The following DESI2 variants were observed in gnomAD, a reference collection of about 807,000 sequenced individuals.
The protein encoded by DESI2 is deubiquitinase DESI2.
A neutral mutation model predicts 24.1 loss-of-function variants in DESI2; 10 were observed. The ratio of observed to expected loss-of-function variants is 0.41; its 90% CI spans 0.26 to 0.70. The LOEUF (loss-of-function observed/expected upper bound fraction) is 0.70. Among genes scored for constraint, DESI2 ranks in the 30% least tolerant of loss-of-function variants. The pLI is 0.29. For missense variants in DESI2, 122 were observed against 234.9 expected, an observed-to-expected ratio of 0.52 and a Z score of 3.14; for synonymous variants, 71 against 87.7, an observed-to-expected ratio of 0.81 and a Z score of 1.06.
intron 1 of DESI2, chr1:244,654,085 A>C: frequency 2.1e-6 from 1 of 465,466 alleles, no homozygotes; most frequent in South Asian, 1.6e-5. Context: ...TTATTGTATC[A>C]TCTAACTTTG....
rs764061463 is a variant in DESI2 at position 244,705,660 on chromosome 1, C to T, written c.456C>T (p.Pro152=). 5.6e-6 allele frequency: 9 copies of T among 1,614,048 alleles called. No individual in the cohort carries two copies. The highest frequency in any genetic ancestry group is 3.3e-5 in the South Asian group (3 of 91,088). ...GCCTCCCGAAGGAGTGGCTCACGCC[C>T]GCAGCCCTGCAGTCTAGTGTCAGCC... ...QSCLPKEWLT[P]AALQSSVSQE... is the part of the protein sequence containing the mutation. Residue 152 remains proline, a synonymous_variant, in exon 5 of 5, where the codon CCC becomes CCT. Transcript: ENST00000302550.
intron 1 of DESI2, among the ~76,000 whole-genome samples, chr1:244,684,402 A>G (rs1194816433): frequency 6.6e-6 from 1 of 152,236 alleles, no homozygotes; most frequent in Non-Finnish European, 1.5e-5. Context: ...ACAGTTGAAC[A>G]CAGGTGCTTC....
chr1:244,694,418 T>G, intron 4 of DESI2: 1 of 715,468 alleles, frequency 1.4e-6, no homozygotes, highest in Non-Finnish European at 2.6e-6. Flanking sequence ...GCATTACTCA[T>G]CGTTGAAATT....
At position 244,653,224 on chromosome 1, in the gene DESI2, C is replaced by T. The variant is rs930809758; in HGVS notation, c.-90C>T. The T allele has an allele frequency of 1.5e-6, 2 of 1,340,522 alleles. No homozygotes were observed. The highest frequency in any genetic ancestry group is 2.6e-4 in the Middle Eastern group (1 of 3,866). 83.0% of individuals were successfully genotyped at this position (1,340,522 alleles called of 1,614,324 possible). On this transcript the variant is annotated 5_prime_UTR_variant, in exon 1 of 5. Transcript: ENST00000302550. ...CTGTACGCTTAGTGCCCGGCTCAGG[C>T]CCCCTGAAGCGCCCGCGGGGGTGAG...
chr1:244,697,984 A>G (rs992645870), intron 4 of DESI2, among the ~76,000 whole-genome samples: 2 of 152,210 alleles, frequency 1.3e-5, no homozygotes, highest in African/African-American at 4.8e-5. Flanking sequence ...CGCAACTGTA[A>G]TATTAAACCT....
intron 4 of DESI2, among the ~76,000 whole-genome samples, chr1:244,696,378 T>G (rs1322892810): frequency 6.6e-6 from 1 of 152,136 alleles, no homozygotes; most frequent in African/African-American, 2.4e-5. Flanking sequence ...TCCCAGTACT[T>G]TGGGAGGCTG....
At chr1:244,694,898 A>G (rs906353805) in intron 4 of DESI2, among the ~76,000 whole-genome samples, 6 of 152,218 alleles carry the variant, frequency 3.9e-5, no homozygotes, top group Non-Finnish European at 7.3e-5. Flanking sequence ...TTTAACAGAA[A>G]AAGTTTGCCA....
intron 3 of DESI2, among the ~76,000 whole-genome samples, chr1:244,690,959 T>C (rs1019131221): frequency 6.6e-6 from 1 of 152,252 alleles, no homozygotes; most frequent in African/African-American, 2.4e-5. Flanking sequence ...GGCTCTCTTT[T>C]GGCAAGACTA....
In DESI2 at chr1:244,674,986, T is replaced by C. The variant is rs569194865; in HGVS notation, c.43-11611T>C. 5.3e-5 allele frequency among the ~76,000 whole-genome samples: 8 copies of C among 152,332 alleles called. No homozygotes were observed. The South Asian group carries it at 1.7e-3, about 32-fold the overall frequency. On this transcript the variant is annotated intron_variant, in intron 1 of 4. Coordinates refer to ENST00000302550, the MANE Select transcript of DESI2 (RefSeq NM_016076.5). The stretch of plus-strand genomic sequence containing the variant: ...TGATACATTCCCACCAGTAATGTAT[T>C]CGAGTTCTAATTTCTCCACATCCTA...
intron 1 of DESI2, among the ~76,000 whole-genome samples, chr1:244,661,798 CCA>C (rs1675854354): frequency 6.6e-6 from 1 of 152,176 alleles, no homozygotes; most frequent in African/African-American, 2.4e-5. Context: ...TTTTCTTAAT[CCA>C]GTCTATCATT....
In DESI2 at chr1:244,661,898, G is replaced by C. The variant is rs1172275661; in HGVS notation, c.42+8543G>C. Among the ~76,000 whole-genome samples the C allele has an allele frequency of 2.0e-5, 3 of 152,206 alleles. No homozygotes were observed. In the East Asian group the frequency reaches 5.8e-4, roughly 29 times the overall value. On this transcript the variant is annotated intron_variant, in intron 1 of 4. Transcript: ENST00000302550. ...TGTGCATGTGTCTTTATAGCAGCAT[G>C]ATTTATAATCCTTTGGGTACATACC...
chr1:244,692,881 T>G (rs1677079226), intron 4 of DESI2, among the ~76,000 whole-genome samples: 2 of 152,314 alleles, frequency 1.3e-5, no homozygotes, highest in Non-Finnish European at 2.9e-5. Context: ...ATACACTGAA[T>G]GCAAATCTTC....
At chr1:244,663,728 C>A (rs1045736904) in intron 1 of DESI2, among the ~76,000 whole-genome samples, 1 of 151,900 alleles carries the variant, frequency 6.6e-6, no homozygotes, top group African/African-American at 2.4e-5. Flanking sequence ...AAAAATTATT[C>A]AAGAACTTGG....
intron 1 of DESI2, among the ~76,000 whole-genome samples, chr1:244,662,445 AC>A (rs1307936691): frequency 6.6e-6 from 1 of 152,264 alleles, no homozygotes; most frequent in East Asian, 1.9e-4. Flanking sequence ...CTTGCACTAA[AC>A]TTATAAATTA....
At chr1:244,684,849 C>G (rs988136466) in intron 1 of DESI2, among the ~76,000 whole-genome samples, 1 of 152,154 alleles carries the variant, frequency 6.6e-6, no homozygotes, top group Non-Finnish European at 1.5e-5. Context: ...ATACTCATAT[C>G]TGAACTTTTG....
In DESI2 at chr1:244,706,758, A is replaced by G. The variant is rs1002934693; in HGVS notation, c.*969A>G. ...AAAACTAGAATCTAATGTCTACCCCAAAAAAGTAGTTCTTTGATATTTTAT... is the reference window on the plus strand; with the variant it reads ...AAAACTAGAATCTAATGTCTACCCCGAAAAAGTAGTTCTTTGATATTTTAT... On this transcript the variant is annotated 3_prime_UTR_variant, in exon 5 of 5. Transcript: ENST00000302550. The G allele has an allele frequency of 1.3e-5, 2 of 152,550 alleles. No individual in the cohort carries two copies. The highest frequency in any genetic ancestry group is 2.9e-5 in the Non-Finnish European group (2 of 68,042). The allele number at this position is 152,550 out of a possible 1,614,324, so 9.4% of individuals were successfully genotyped here. A position where few individuals can be genotyped will look rare whatever the true frequency, so the allele number is the denominator to read the frequency against.
chr1:244,658,619 G>A (rs1051896720), intron 1 of DESI2, among the ~76,000 whole-genome samples: 1 of 151,888 alleles, frequency 6.6e-6, no homozygotes, highest in African/African-American at 2.4e-5. Context: ...AGAAATATCC[G>A]CTCAATGAGT....
chr1:244,667,074 T>C (rs748503743), intron 1 of DESI2, among the ~76,000 whole-genome samples: 1 of 152,116 alleles, frequency 6.6e-6, no homozygotes, highest in Non-Finnish European at 1.5e-5. Flanking sequence ...GCTGGGGACA[T>C]AGCCAAACCA....
At chr1:244,693,329 C>A (rs943366893) in intron 4 of DESI2, among the ~76,000 whole-genome samples, 1 of 152,164 alleles carries the variant, frequency 6.6e-6, no homozygotes, top group African/African-American at 2.4e-5. Flanking sequence ...AACCCCAAAA[C>A]CATTTTGCAT....
Sources: gnomAD v4.1 joint callset for allele counts (sites outside exome capture counted in the v4.1 genomes callset) on GRCh38, gnomAD v4.1.1 for gene constraint, MANE v1.5 for transcripts, NCBI Gene and HGNC (gene_info 2026-07-23, HGNC 2026-07-21) for gene names.